The following GSG1L2 variants were observed in gnomAD, a reference collection of about 807,000 sequenced individuals.
GSG1L2 encodes the protein GSG1 like 2.
In GSG1L2, 15 loss-of-function variants were observed where a neutral mutation model predicts 9.0. That is an observed-to-expected ratio of 1.67 (90% CI 1.12 to 2.57). The LOEUF (loss-of-function observed/expected upper bound fraction) is 2.57, where lower values mean the gene tolerates loss of function less well. Among genes scored for constraint, GSG1L2 ranks in the 30% most tolerant of loss-of-function variants. GSG1L2 has a pLI of 0.00. For synonymous variants in GSG1L2, 127 were observed against 57.9 expected (o/e 2.19, Z -5.41); for missense variants, 286 against 150.3 (o/e 1.90, Z -4.72).
intron 1 of GSG1L2, among the ~76,000 whole-genome samples, chr17:9,816,574 CTG>C (rs1555566353): frequency 1.0e-3 from 145 of 141,190 alleles, no homozygotes; most frequent in Middle Eastern, 7.6e-3. Context: ...ATATCTGTGT[CTG>C]TGTGTGCACG....
intron 1 of GSG1L2, among the ~76,000 whole-genome samples, chr17:9,816,717 ATC>A (rs1321554403): frequency 4.4e-5 from 5 of 114,496 alleles, no homozygotes; most frequent in African/African-American, 7.0e-5. Context: ...GTCTGTGTGT[ATC>A]TGTGTCTGTG....
rs1226999356 is a variant in GSG1L2 at position 9,817,525 on chromosome 17, A to G, written c.310+4237T>C. On this transcript the variant is annotated intron_variant, in intron 1 of 4. Coordinates refer to ENST00000399363, the MANE Select transcript of GSG1L2 (RefSeq NM_001310219.2). ...CTGCAACCCCCGCCTCCCAGGTTCA[A>G]GCGATTCTGCTGCCTCAGCCTCCTG... is the stretch of plus-strand genomic sequence containing the variant. 4.6e-5 allele frequency among the ~76,000 whole-genome samples: 7 copies of G among 151,528 alleles called. No homozygotes were observed. The East Asian group carries it at 1.4e-3, about 29-fold the overall frequency.
Position 9,820,257 on chromosome 17 carries a change from GA to G in GSG1L2, c.310+1504del, listed in dbSNP as rs1398794871. ...GGTGTGACGCCTATATAGAGCTGTG[GA>G]AACAGAAGTACTATAGGCAGTCCTC... On this transcript the variant is annotated intron_variant, in intron 1 of 4. Coordinates refer to ENST00000399363, the MANE Select transcript of GSG1L2 (RefSeq NM_001310219.2). This position sits in a 1 kb window ranked among gnomAD's most constrained non-coding sequence, Gnocchi z 4.9. 3.3e-5 allele frequency among the ~76,000 whole-genome samples: 5 copies of G among 152,152 alleles called. No homozygotes were observed. The highest frequency in any genetic ancestry group is 1.2e-4 in the African/African-American group (5 of 41,434).
intron 3 of GSG1L2, among the ~76,000 whole-genome samples, chr17:9,808,178 C>G (rs1226285417): frequency 7.9e-5 from 12 of 152,150 alleles, no homozygotes; most frequent in Admixed American, 7.9e-4. Context: ...AGTAACTTTT[C>G]ATATCCAGTT....
intron 2 of GSG1L2, 71 bp from the exon 3 acceptor site, chr17:9,809,053 G>C (rs952037587): frequency 3.1e-5 from 21 of 681,004 alleles, no homozygotes; most frequent in Non-Finnish European, 5.1e-5. Context: ...TCAATCCTTT[G>C]ATTTAGTTCA....
At position 9,816,450 on chromosome 17, in the gene GSG1L2, G is replaced by C. The variant is rs200038793; in HGVS notation, c.310+5312C>G. Reference sequence around the variant, plus strand: ...TGCGTGTGTCTCTCTGTGTGCGTGTGTCTGTGTGTGCGTCCGTGTGCGTGT... The same window carrying C: ...TGCGTGTGTCTCTCTGTGTGCGTGTCTCTGTGTGTGCGTCCGTGTGCGTGT... On this transcript the variant is annotated intron_variant, in intron 1 of 4. Transcript: ENST00000399363. Among the ~76,000 whole-genome samples, 1,248 of 131,044 alleles carry C rather than the reference G, an allele frequency of 9.5e-3. 26 individuals are homozygous for C. The highest frequency in any genetic ancestry group is 0.037 in the African/African-American group (1,174 of 31,694). 86.0% of individuals were successfully genotyped at this position (131,044 alleles called of 152,430 possible). A position where few individuals can be genotyped will look rare whatever the true frequency, so the allele number is the denominator to read the frequency against.
chr17:9,807,779 A>C lies in GSG1L2; in HGVS notation c.512-178T>G, dbSNP rs369002694. On this transcript the variant is annotated intron_variant, in intron 3 of 4. Coordinates refer to ENST00000399363, the MANE Select transcript of GSG1L2 (RefSeq NM_001310219.2). ...CTCTTTCCCACAATTGAAACTGAAG[A>C]GACATCCGGAAAGACACAATCGGGG... The C allele has an allele frequency of 1.4e-5, 8 of 579,502 alleles. No individual in the cohort carries two copies. In the East Asian group the frequency reaches 1.8e-4, roughly 13 times the overall value. The allele number at this position is 579,502 out of a possible 1,614,324, so 35.9% of individuals were successfully genotyped here. A position where few individuals can be genotyped will look rare whatever the true frequency, so the allele number is the denominator to read the frequency against.
intron 4 of GSG1L2, chr17:9,803,942 G>C (rs948548555): frequency 1.3e-5 from 2 of 152,236 alleles, no homozygotes; most frequent in African/African-American, 2.4e-5. Context: ...GTTAACCAAG[G>C]ACACATGTCA....
intron 1 of GSG1L2, among the ~76,000 whole-genome samples, chr17:9,811,773 G>A (rs2066539757): frequency 2.0e-5 from 3 of 152,204 alleles, no homozygotes; most frequent in Admixed American, 6.5e-5. Context: ...GGCAGTTTCC[G>A]TGTTAGAGCT....
intron 1 of GSG1L2, among the ~76,000 whole-genome samples, chr17:9,816,896 C>CTA (rs2066568965): frequency 1.5e-5 from 2 of 134,854 alleles, no homozygotes; most frequent in Non-Finnish European, 3.3e-5. Context: ...GTGTGTGTAT[C>CTA]TGTGTGTGTG....
chr17:9,813,994 G>A (rs992451076), intron 1 of GSG1L2, among the ~76,000 whole-genome samples: 1 of 151,804 alleles, frequency 6.6e-6, no homozygotes, highest in African/African-American at 2.4e-5. Context: ...GTGTGCAATG[G>A]CATGATCTTG....
intron 1 of GSG1L2, among the ~76,000 whole-genome samples, chr17:9,816,763 CTGTG>C (rs74660900): frequency 6.9e-6 from 1 of 145,258 alleles, no homozygotes; most frequent in Non-Finnish European, 1.5e-5. Context: ...GTATCTGTGT[CTGTG>C]TGTGCGTGTG....
At chr17:9,803,886 C>G (rs2066507360) in intron 4 of GSG1L2, 1 of 152,250 alleles carries the variant, frequency 6.6e-6, no homozygotes, top group African/African-American at 2.4e-5. Context: ...CCAGATACTG[C>G]TGGCTGACTT....
rs1450682064 is a variant in GSG1L2 at position 9,808,915 on chromosome 17, G to A, written c.426C>T (p.Leu142=). Residue 142 remains leucine, a synonymous_variant, in exon 3 of 5, where the codon CTC becomes CTT. Transcript: ENST00000399363. The part of the protein sequence containing the change: ...DIVLILTSAI[L]LGSRVSCRSP... ...TGCGACAACTCACTCTGGAGCCCAG[G>A]AGGATGGCGCTTGTCAGTATCAGAA... 2 of 702,994 alleles carry A rather than the reference G, an allele frequency of 2.8e-6. No homozygotes were observed. Among genetic ancestry groups the A allele is most frequent in the Non-Finnish European group, 5.2e-6 (2 of 385,024 alleles). 43.5% of individuals were successfully genotyped at this position (702,994 alleles called of 1,614,324 possible).
At chr17:9,813,351 T>A (rs2066546597) in intron 1 of GSG1L2, among the ~76,000 whole-genome samples, 1 of 152,174 alleles carries the variant, frequency 6.6e-6, no homozygotes, top group Non-Finnish European at 1.5e-5. Context: ...CTGACTCGAA[T>A]GCGCAGCCAG....
intron 3 of GSG1L2, chr17:9,807,856 G>A (rs1597940419): frequency 2.6e-6 from 1 of 383,064 alleles, no homozygotes; most frequent in South Asian, 2.9e-5. Context: ...TCCTTCCTAA[G>A]AAGATCAGAA....
At position 9,802,599 on chromosome 17, in the gene GSG1L2, C is replaced by T. The variant is rs756879301; in HGVS notation, c.669G>A (p.Ser223=). The change falls in exon 5 of 5, where the codon TCG becomes TCA. Residue 223 remains serine, a synonymous_variant. Transcript: ENST00000399363. ...SFALCLAVSV[S]AMSRFTAARL... ...GGGCTGCCGTGAACCTGCTCATGGC[C>T]GAGACCGACACAGCCAGGCAGAGGG... The T allele has an allele frequency of 4.0e-5, 28 of 702,760 alleles. No individual in the cohort carries two copies. Among genetic ancestry groups the T allele is most frequent in the South Asian group, 3.3e-4 (22 of 67,560 alleles). 43.5% of individuals were successfully genotyped at this position (702,760 alleles called of 1,614,324 possible).
intron 1 of GSG1L2, among the ~76,000 whole-genome samples, chr17:9,818,501 A>ATTT (rs377057350): frequency 0.086 from 7,084 of 82,370 alleles, 740 homozygotes; most frequent in East Asian, 0.22. Context: ...ACACAGCTAA[A>ATTT]TTTTTTTTTT....
intron 4 of GSG1L2, chr17:9,803,645 C>T (rs143342175): frequency 3.6e-4 from 55 of 152,274 alleles, no homozygotes; most frequent in African/African-American, 1.3e-3. Context: ...GAGACACTTC[C>T]CAATGGATAA....
Sources: gnomAD v4.1 joint callset for allele counts (sites outside exome capture counted in the v4.1 genomes callset) on GRCh38, gnomAD v4.1.1 for gene constraint, Gnocchi (gnomAD v3.1) non-coding constraint, MANE v1.5 for transcripts, NCBI Gene and HGNC (gene_info 2026-07-23, HGNC 2026-07-21) for gene names.